The following RPS6KC1 variants were observed in gnomAD, a reference collection of about 807,000 sequenced individuals.
RPS6KC1 encodes the protein ribosomal protein S6 kinase C1.
Under a neutral mutation model 103.8 loss-of-function variants are expected in RPS6KC1, and 54 were observed. The ratio of observed to expected loss-of-function variants is 0.52; its 90% CI spans 0.42 to 0.65. The LOEUF is 0.65. RPS6KC1 is among the 30% of genes least tolerant of loss of function. RPS6KC1 has a pLI of 0.00. For missense variants in RPS6KC1, 1,151 were observed against 1,253.8 expected, an observed-to-expected ratio of 0.92 and a Z score of 1.24; for synonymous variants, 439 against 438.7, an observed-to-expected ratio of 1.00 and a Z score of -0.01.
chr1:213,309,885 A>G, the RPS6KC1 span, among the ~76,000 whole-genome samples: 6 of 152,030 alleles, frequency 3.9e-5, no homozygotes, highest in Non-Finnish European at 1.5e-5. Flanking sequence ...GGGTTTTGTC[A>G]TGTTGGCCAG....
the RPS6KC1 span, among the ~76,000 whole-genome samples, chr1:213,433,221 T>C: frequency 6.6e-6 from 1 of 152,226 alleles, no homozygotes; most frequent in Non-Finnish European, 1.5e-5. Context: ...CTCTCTGACT[T>C]GTCTGATATG....
At chr1:213,841,225 C>T in the RPS6KC1 span, 2 of 152,118 alleles carry the variant, frequency 1.3e-5, no homozygotes, top group Non-Finnish European at 2.9e-5. Context: ...ATGGTTCTGC[C>T]TTGATGATCT....
At chr1:213,574,301 C>G in the RPS6KC1 span, among the ~76,000 whole-genome samples, 10 of 152,096 alleles carry the variant, frequency 6.6e-5, no homozygotes, top group African/African-American at 1.9e-4. Flanking sequence ...ACTCTGATAT[C>G]AGTTGGAATC....
At chr1:213,256,593 G>A (rs750788507) in intron 12 of RPS6KC1, among the ~76,000 whole-genome samples, 18 of 151,720 alleles carry the variant, frequency 1.2e-4, no homozygotes, top group Non-Finnish European at 2.1e-4. Context: ...TTACAAATTT[G>A]CATTGGGCTG....
At chr1:213,381,061 A>G in the RPS6KC1 span, among the ~76,000 whole-genome samples, 11 of 152,154 alleles carry the variant, frequency 7.2e-5, no homozygotes, top group Admixed American at 7.2e-4. Flanking sequence ...CTGCTTTCTT[A>G]ACGATTGGCG....
chr1:213,499,839 T>C, the RPS6KC1 span, among the ~76,000 whole-genome samples: 1 of 152,192 alleles, frequency 6.6e-6, no homozygotes, highest in Non-Finnish European at 1.5e-5. Context: ...TGAAAAGTAT[T>C]TGCATATTTA....
the RPS6KC1 span, among the ~76,000 whole-genome samples, chr1:213,316,852 C>T: frequency 4.0e-5 from 6 of 151,792 alleles, no homozygotes; most frequent in African/African-American, 4.8e-5. Context: ...GCACAGGGAG[C>T]GGGGAATGCA....
intron 8 of RPS6KC1, among the ~76,000 whole-genome samples, chr1:213,182,492 A>G (rs1014568302): frequency 6.6e-6 from 1 of 152,140 alleles, no homozygotes; most frequent in Non-Finnish European, 1.5e-5. Context: ...CTCCATCTCA[A>G]ACAAACAAAA....
At chr1:213,537,946 A>T in the RPS6KC1 span, among the ~76,000 whole-genome samples, 2 of 152,196 alleles carry the variant, frequency 1.3e-5, no homozygotes, top group Non-Finnish European at 2.9e-5. Context: ...AAGAATAATA[A>T]GGCAGGGACC....
chr1:213,813,655 A>G, the RPS6KC1 span, among the ~76,000 whole-genome samples: 1 of 152,176 alleles, frequency 6.6e-6, no homozygotes, highest in African/African-American at 2.4e-5. Context: ...AACCTTTAGA[A>G]AACTCCCAAA....
chr1:213,508,558 T>G, the RPS6KC1 span, among the ~76,000 whole-genome samples: 8 of 152,086 alleles, frequency 5.3e-5, no homozygotes, highest in African/African-American at 1.9e-4. Context: ...GTGTGTGTGT[T>G]GGGACTGGAG....
chr1:213,669,791 C>T, the RPS6KC1 span, among the ~76,000 whole-genome samples: 3 of 152,094 alleles, frequency 2.0e-5, no homozygotes, highest in Admixed American at 6.5e-5. Context: ...TTCAAGATTC[C>T]GACCGCTGAT....
chr1:213,624,194 A>G, the RPS6KC1 span, among the ~76,000 whole-genome samples: 1 of 152,222 alleles, frequency 6.6e-6, no homozygotes, highest in South Asian at 2.1e-4. Context: ...GCACTTGGGC[A>G]TGGCACTAAC....
intron 1 of RPS6KC1, among the ~76,000 whole-genome samples, chr1:213,051,815 C>A (rs970883603): frequency 6.6e-6 from 1 of 152,064 alleles, no homozygotes; most frequent in Non-Finnish European, 1.5e-5. Context: ...CTTCTGAGTT[C>A]GCAATTTGCA....
At chr1:213,308,223 A>C in the RPS6KC1 span, among the ~76,000 whole-genome samples, 1 of 151,028 alleles carries the variant, frequency 6.6e-6, no homozygotes, top group Non-Finnish European at 1.5e-5. Context: ...CTGAGGCATG[A>C]GAATCACTTG....
chr1:213,681,161 C>T, the RPS6KC1 span, among the ~76,000 whole-genome samples: 2 of 152,134 alleles, frequency 1.3e-5, no homozygotes, highest in Non-Finnish European at 2.9e-5. Context: ...GTCACTAGCT[C>T]TCACTCCCTA....
At chr1:213,682,727 C>T in the RPS6KC1 span, among the ~76,000 whole-genome samples, 1 of 152,146 alleles carries the variant, frequency 6.6e-6, no homozygotes, top group Non-Finnish European at 1.5e-5. Flanking sequence ...TTTCTTAGTG[C>T]AACAACAATA....
intron 1 of RPS6KC1, among the ~76,000 whole-genome samples, chr1:213,068,223 C>T (rs899377273): frequency 1.2e-4 from 19 of 152,058 alleles, no homozygotes; most frequent in African/African-American, 3.9e-4. Flanking sequence ...CAGTGGCTCA[C>T]GCCTGTAATC....
intron 8 of RPS6KC1, among the ~76,000 whole-genome samples, chr1:213,190,191 T>C (rs2092698516): frequency 6.6e-6 from 1 of 152,152 alleles, no homozygotes; most frequent in African/African-American, 2.4e-5. Context: ...TGCTGGAGGG[T>C]AAGGTAGCTC....
Sources: allele counts gnomAD v4.1 joint callset (sites outside exome capture counted in the v4.1 genomes callset), GRCh38; gene constraint gnomAD v4.1.1; transcripts MANE v1.5; gene names NCBI Gene and HGNC (gene_info 2026-07-23, HGNC 2026-07-21).